Variants in ANKRD55 observed in about 807,000 individuals in gnomAD.
ANKRD55 encodes the protein ankyrin repeat domain 55.
A neutral mutation model predicts 60.6 loss-of-function variants in ANKRD55; 41 were observed. The ratio of observed to expected loss-of-function variants is 0.68; its 90% confidence interval spans 0.53 to 0.88. The LOEUF (loss-of-function observed/expected upper bound fraction) is 0.88, where lower values mean the gene tolerates loss of function less well. Among genes scored for constraint, ANKRD55 ranks in the 40% least tolerant of loss-of-function variants. The pLI, the probability that ANKRD55 is intolerant of heterozygous loss-of-function variation, is 0.00. For synonymous variants in ANKRD55, 264 were observed against 290.3 expected (o/e 0.91, Z 0.92); for missense variants, 732 against 767.6 (o/e 0.95, Z 0.55).
chr5:56,152,376 T>C (rs538442464), intron 6 of ANKRD55, among the ~76,000 whole-genome samples: 1 of 152,162 alleles, frequency 6.6e-6, no homozygotes, highest in Non-Finnish European at 1.5e-5. Flanking sequence ...TTTGTCAGAC[T>C]GCTCACAAAA....
At chr5:56,168,387 C>G (rs113797449) in intron 5 of ANKRD55, among the ~76,000 whole-genome samples, 6 of 152,318 alleles carry the variant, frequency 3.9e-5, no homozygotes, top group African/African-American at 1.4e-4. Context: ...ACACTCCGCT[C>G]TCATTAGTCA....
chr5:56,139,511 T>C (rs1174527915), intron 7 of ANKRD55, among the ~76,000 whole-genome samples: 1 of 152,136 alleles, frequency 6.6e-6, no homozygotes, highest in African/African-American at 2.4e-5. Flanking sequence ...AGATATTCTG[T>C]AGGCAGAAGG....
chr5:56,185,668 C>CA (rs1433205242), intron 2 of ANKRD55, among the ~76,000 whole-genome samples: 173 of 119,886 alleles, frequency 1.4e-3, no homozygotes, highest in Middle Eastern at 4.4e-3. Flanking sequence ...AACTCCATCT[C>CA]AAAAAAAAAA....
chr5:56,126,962 C>T lies in ANKRD55; in HGVS notation c.757G>A (p.Val253Ile). 2 of 1,613,790 alleles carry T rather than the reference C, an allele frequency of 1.2e-6. No homozygotes were observed. Among genetic ancestry groups the T allele is most frequent in the Non-Finnish European group, 1.7e-6 (2 of 1,179,790 alleles). The stretch of plus-strand genomic sequence containing the variant: ...AGAGCCTGCAGGTTACACTCAGGGA[C>T]TCTTGCCAGCTCATGAATAATATCG... ...FSDIIHELAR[V>I]PECNLQALDV... is the part of the protein sequence containing the mutation. The change falls in exon 8 of 12, where the codon GTC becomes ATC. Residue 253 changes from valine (V) to isoleucine (I), a missense_variant. Val to Ile is a conservative substitution (Grantham distance 29). Around this residue, in one of 3 missense-constraint regions of ANKRD55, gnomAD observed 597 missense variants for 607.5 expected, o/e 0.98. Coordinates refer to ENST00000341048, the MANE Select transcript of ANKRD55 (RefSeq NM_024669.3).
chr5:56,219,246 C>A (rs551144181), intron 2 of ANKRD55, among the ~76,000 whole-genome samples: 1 of 128,144 alleles, frequency 7.8e-6, no homozygotes, highest in South Asian at 2.5e-4. Flanking sequence ...GCACTCCAGC[C>A]TGGGGGATAG....
intron 7 of ANKRD55, chr5:56,137,584 C>A: frequency 1.5e-6 from 1 of 672,800 alleles, no homozygotes; most frequent in South Asian, 1.6e-5. Context: ...AAAAAGAATT[C>A]CAGGAGATAA....
rs1757148124 is a variant in ANKRD55, at chr5:56,123,741, G to A, written c.797+3181C>T. Among the ~76,000 whole-genome samples, 4 of 152,250 alleles carry A rather than the reference G, an allele frequency of 2.6e-5. No individual in the cohort carries two copies. The South Asian group carries it at 8.3e-4, about 32-fold the overall frequency. The stretch of plus-strand genomic sequence containing the variant: ...AATTCCTCTGACCATCAACATGGAA[G>A]CGATCCAGAAGAACAGGGTTTTGCT... On this transcript the variant is annotated intron_variant, in intron 8 of 11. Coordinates refer to ENST00000341048, the MANE Select transcript of ANKRD55 (RefSeq NM_024669.3).
chr5:56,226,894 T>TG (rs1157730562), intron 2 of ANKRD55, among the ~76,000 whole-genome samples: 1 of 152,240 alleles, frequency 6.6e-6, no homozygotes, highest in Non-Finnish European at 1.5e-5. Flanking sequence ...TTGGTGGGAC[T>TG]GTAAACTAGT....
intron 2 of ANKRD55, among the ~76,000 whole-genome samples, chr5:56,227,566 G>A (rs567420664): frequency 1.3e-5 from 2 of 151,024 alleles, no homozygotes; most frequent in Admixed American, 6.6e-5. Context: ...AATGGAATAA[G>A]AGCTTGATTG....
At position 56,111,467 on chromosome 5, in the gene ANKRD55, C is replaced by G; in HGVS notation, c.1281G>C (p.Lys427Asn). The change falls in exon 10 of 12, where the codon AAG (lysine) becomes AAC (asparagine). Residue 427 changes from lysine to asparagine, a missense_variant. By Grantham distance (94) the Lys-to-Asn change is moderately conservative. Coordinates refer to ENST00000341048, the MANE Select transcript of ANKRD55 (RefSeq NM_024669.3). ...LLPEKKPLAR[K>N]GLPPIRTQSL... ...TCTGCGTTCTGATTGGTGGAAGCCC[C>G]TTACGGGCCAGCGGTTTCTTTTCTG... 6.2e-7 allele frequency: 1 copy of G among 1,614,146 alleles called. No homozygotes were observed. Among genetic ancestry groups the G allele is most frequent in the Non-Finnish European group, 8.5e-7 (1 of 1,180,018 alleles).
intron 10 of ANKRD55, among the ~76,000 whole-genome samples, chr5:56,103,508 G>T (rs913364526): frequency 1.3e-5 from 2 of 152,124 alleles, no homozygotes; most frequent in African/African-American, 2.4e-5. Flanking sequence ...AGCTTGGTTG[G>T]GCTCTGGGGT....
chr5:56,135,290 G>GCTTTCTTTCTTT lies in ANKRD55; in HGVS notation c.613-8185_613-8184insAAAGAAAGAAAG, dbSNP rs753607878. 3.5e-4 allele frequency among the ~76,000 whole-genome samples: 24 copies of GCTTTCTTTCTTT among 69,322 alleles called. 1 individual carries two copies. The highest frequency in any genetic ancestry group is 7.1e-3 in the Middle Eastern group (1 of 140). 45.5% of individuals were successfully genotyped at this position (69,322 alleles called of 152,430 possible). ...TCCCTCCCTCCCTCCCTGCCTGCCT[G>GCTTTCTTTCTTT]CTTGCTTTCTTTCTTTCTTTCTTTC... On this transcript the variant is annotated intron_variant, in intron 7 of 11. Transcript: ENST00000341048.
rs564911845 is a variant in ANKRD55 at position 56,196,789 on chromosome 5, C to T, written c.59-13155G>A. Reference sequence around the variant, plus strand: ...GTTGTTAAAATGCTGATCTGCAGACCCCAGTCTCAGAAATTCTAACTTAAG... The same window carrying T: ...GTTGTTAAAATGCTGATCTGCAGACTCCAGTCTCAGAAATTCTAACTTAAG... On this transcript the variant is annotated intron_variant, in intron 2 of 11. Transcript: ENST00000341048. Among the ~76,000 whole-genome samples, 344 of 152,198 alleles carry T rather than the reference C, an allele frequency of 2.3e-3. 3 individuals are homozygous for T. Among genetic ancestry groups the T allele is most frequent in the African/African-American group, 7.9e-3 (329 of 41,512 alleles).
At chr5:56,131,949 A>T (rs996354372) in intron 7 of ANKRD55, among the ~76,000 whole-genome samples, 2 of 151,918 alleles carry the variant, frequency 1.3e-5, no homozygotes, top group Admixed American at 6.6e-5. Flanking sequence ...ATTGTTAATT[A>T]ACCTAGGAGA....
intron 9 of ANKRD55, chr5:56,114,366 A>G (rs1052974744): frequency 6.6e-6 from 1 of 152,466 alleles, no homozygotes; most frequent in African/African-American, 2.4e-5. Flanking sequence ...AAACGAATAC[A>G]GTGAATATTT....
intron 2 of ANKRD55, among the ~76,000 whole-genome samples, 157 bp from the exon 3 acceptor site, chr5:56,183,791 C>G (rs1722170222): frequency 6.6e-6 from 1 of 152,224 alleles, no homozygotes; most frequent in South Asian, 2.1e-4. Flanking sequence ...TCCCTCACCA[C>G]TTCTGAAGAA....
chr5:56,151,812 C>T (rs1202753497), intron 6 of ANKRD55, among the ~76,000 whole-genome samples: 2 of 87,300 alleles, frequency 2.3e-5, no homozygotes, highest in African/African-American at 4.7e-5. Context: ...GACCACATCT[C>T]GGAAAAAAAA....
intron 2 of ANKRD55, 51 bp downstream of exon 2, chr5:56,232,805 A>G (rs780449893): frequency 2.8e-5 from 43 of 1,551,620 alleles, no homozygotes; most frequent in Non-Finnish European, 3.6e-5. Flanking sequence ...AATCCATACC[A>G]TGAGACTAAG....
At chr5:56,202,102 C>A (rs574634980) in intron 2 of ANKRD55, among the ~76,000 whole-genome samples, 1 of 152,166 alleles carries the variant, frequency 6.6e-6, no homozygotes, top group Non-Finnish European at 1.5e-5. Context: ...GATGAGAACA[C>A]ATGGACACAT....
Sources: gnomAD v4.1 joint callset for allele counts (sites outside exome capture counted in the v4.1 genomes callset) on GRCh38, gnomAD v4.1.1 for gene constraint, gnomAD v4.1.1 regional missense constraint, MANE v1.5 for transcripts, NCBI Gene and HGNC (gene_info 2026-07-23, HGNC 2026-07-21) for gene names.